TNIK: variants seen among roughly 807,000 people sequenced by gnomAD.
TNIK encodes the protein TRAF2 and NCK-interacting protein kinase.
TNIK carries 49 observed loss-of-function variants against 191.3 expected under a neutral mutation model. That is an observed-to-expected ratio of 0.26 (90% CI 0.20 to 0.32). TNIK has a LOEUF of 0.32. Ranked by LOEUF, TNIK falls within the 10% of genes least tolerant of loss-of-function variation. The pLI, the probability that TNIK is intolerant of heterozygous loss-of-function variation, is 1.00. For synonymous variants in TNIK, 594 were observed against 600.9 expected (o/e 0.99, Z 0.17); for missense variants, 1,155 against 1,702.3 (o/e 0.68, Z 5.66).
At chr3:171,181,514 C>G (rs550711481) in intron 7 of TNIK, among the ~76,000 whole-genome samples, 1 of 152,196 alleles carries the variant, frequency 6.6e-6, no homozygotes, top group African/African-American at 2.4e-5. Flanking sequence ...CCTGACTCCC[C>G]GACAGCTAAG....
chr3:171,452,897 A>G (rs1221660920), intron 1 of TNIK, among the ~76,000 whole-genome samples: 1 of 152,200 alleles, frequency 6.6e-6, no homozygotes, highest in Non-Finnish European at 1.5e-5. Context: ...GACCAGGCAT[A>G]GTATTTCTCG....
Position 171,079,692 on chromosome 3 carries a change from C to T in TNIK, c.3314-40G>A, listed in dbSNP as rs751372370. On this transcript the variant is annotated intron_variant, in intron 27 of 32. Transcript: ENST00000436636. The stretch of plus-strand genomic sequence containing the variant: ...GAGGTTTAATTTCAAATTGCTGTGA[C>T]AGCTCTCACTTTTTCCTTCCCCACC... The T allele has an allele frequency of 3.8e-6, 6 of 1,565,894 alleles. No homozygotes were observed. The South Asian group carries it at 6.0e-5, about 16-fold the overall frequency.
At chr3:171,264,431 C>T (rs1306847621) in intron 2 of TNIK, among the ~76,000 whole-genome samples, 3 of 151,950 alleles carry the variant, frequency 2.0e-5, no homozygotes, top group Non-Finnish European at 2.9e-5. Flanking sequence ...CTCGGCTCAC[C>T]TCAACCTTCG....
intron 2 of TNIK, among the ~76,000 whole-genome samples, chr3:171,234,725 T>C (rs1577201260): frequency 6.6e-6 from 1 of 152,212 alleles, no homozygotes; most frequent in South Asian, 2.1e-4. Flanking sequence ...ATAGTCACAA[T>C]TTTTAGCAGA....
At chr3:171,089,538 A>G (rs1721798755) in intron 23 of TNIK, among the ~76,000 whole-genome samples, 1 of 152,180 alleles carries the variant, frequency 6.6e-6, no homozygotes, top group African/African-American at 2.4e-5. Context: ...TCAAAGAGAG[A>G]CTCAGAGAGG....
chr3:171,324,254 A>G (rs764944809), intron 2 of TNIK, among the ~76,000 whole-genome samples: 1 of 152,132 alleles, frequency 6.6e-6, no homozygotes, highest in Non-Finnish European at 1.5e-5. Context: ...TGTGCTTTTA[A>G]GGCTTGAATT....
In TNIK at chr3:171,366,777, C is replaced by T. The variant is rs991943227; in HGVS notation, c.123+2843G>A. On this transcript the variant is annotated intron_variant, in intron 2 of 32. Coordinates refer to ENST00000436636, the MANE Select transcript of TNIK (RefSeq NM_015028.4). This position sits in a 1 kb window ranked among gnomAD's most constrained non-coding sequence, Gnocchi z 4.1. ...AAATTTCGTCTTGAATTGTAGTTCC[C>T]GTAATCCCCATGTGTCATGGGAGAG... 2.0e-5 allele frequency among the ~76,000 whole-genome samples: 3 copies of T among 152,094 alleles called. No homozygotes were observed. Among genetic ancestry groups the T allele is most frequent in the South Asian group, 2.1e-4 (1 of 4,812 alleles).
At chr3:171,377,861 A>C (rs1717468400) in intron 1 of TNIK, among the ~76,000 whole-genome samples, 2 of 152,232 alleles carry the variant, frequency 1.3e-5, no homozygotes, top group Non-Finnish European at 2.9e-5. Flanking sequence ...AAGTTTCCCA[A>C]GGTGATGACA....
intron 9 of TNIK, among the ~76,000 whole-genome samples, chr3:171,173,664 T>C (rs919188590): frequency 1.3e-5 from 2 of 152,156 alleles, no homozygotes; most frequent in African/African-American, 4.8e-5. Flanking sequence ...ATGACCATAG[T>C]GTGACAGCCA....
intron 14 of TNIK, among the ~76,000 whole-genome samples, chr3:171,138,610 A>G (rs769143367): frequency 1.2e-4 from 19 of 152,264 alleles, no homozygotes; most frequent in Admixed American, 1.3e-4. Context: ...TTGCTTTAAA[A>G]TGGCAATCCC....
intron 2 of TNIK, among the ~76,000 whole-genome samples, chr3:171,246,768 G>A (rs1427660063): frequency 1.3e-5 from 2 of 152,174 alleles, no homozygotes; most frequent in African/African-American, 2.4e-5. Flanking sequence ...GAAGGCAGGC[G>A]GTGACTTCAG....
In TNIK at chr3:171,178,319, G is replaced by T. The variant is rs182999340; in HGVS notation, c.640-939C>A. ...GAGGACAGGGAGACTTTTTGATGAT[G>T]GCATTCACTGATGTCTCTCTTGTGC... On this transcript the variant is annotated intron_variant, in intron 7 of 32. Coordinates refer to ENST00000436636, the MANE Select transcript of TNIK (RefSeq NM_015028.4). Among the ~76,000 whole-genome samples, 596 of 152,270 alleles carry T rather than the reference G, an allele frequency of 3.9e-3. 4 individuals are homozygous for T. Among genetic ancestry groups the T allele is most frequent in the African/African-American group, 0.014 (573 of 41,564 alleles).
At position 171,452,726 on chromosome 3, in the gene TNIK, C is replaced by T. The variant is rs564888116; in HGVS notation, c.57+7281G>A. 5.6e-3 allele frequency among the ~76,000 whole-genome samples: 620 copies of T among 111,590 alleles called. 5 individuals are homozygous for T. The highest frequency in any genetic ancestry group is 0.026 in the African/African-American group (589 of 22,362). 73.2% of individuals were successfully genotyped at this position (111,590 alleles called of 152,430 possible). A position where few individuals can be genotyped will look rare whatever the true frequency, so the allele number is the denominator to read the frequency against. On this transcript the variant is annotated intron_variant, in intron 1 of 32. Transcript: ENST00000436636. ...ATTGTTGAAATAATTGAAACACACTCCAAACACACACACACACACACACAC... is the reference window on the plus strand; with the variant it reads ...ATTGTTGAAATAATTGAAACACACTTCAAACACACACACACACACACACAC...
At chr3:171,145,261 G>T (rs1480875630) in intron 12 of TNIK, among the ~76,000 whole-genome samples, 7 of 151,922 alleles carry the variant, frequency 4.6e-5, no homozygotes, top group South Asian at 2.1e-4. Flanking sequence ...TAATTTTTTG[G>T]ATTTTTAGTA....
chr3:171,219,150 A>ATATATAATTATAAATATATATTATAAC (rs1270308467), intron 3 of TNIK, among the ~76,000 whole-genome samples: 1 of 125,646 alleles, frequency 8.0e-6, no homozygotes, highest in Non-Finnish European at 1.5e-5. Context: ...TATATTATAA[A>ATATATAATTATAAATATATATTATAAC]ATATATAATA....
At chr3:171,396,612 A>T (rs1461652005) in intron 1 of TNIK, among the ~76,000 whole-genome samples, 1 of 152,218 alleles carries the variant, frequency 6.6e-6, no homozygotes, top group Non-Finnish European at 1.5e-5. Flanking sequence ...CTATTCAGCC[A>T]ACAGCAGGCC....
intron 28 of TNIK, among the ~76,000 whole-genome samples, chr3:171,077,157 A>G (rs946039801): frequency 2.8e-5 from 4 of 143,950 alleles, no homozygotes; most frequent in African/African-American, 1.0e-4. Flanking sequence ...GCCCTTCAAC[A>G]TGGTCAAACG....
At chr3:171,197,769 A>G (rs1157121476) in intron 4 of TNIK, among the ~76,000 whole-genome samples, 10 of 152,212 alleles carry the variant, frequency 6.6e-5, no homozygotes. Context: ...AATCACAAGT[A>G]TTGGTGAGGA....
At chr3:171,395,764 G>C (rs1165671875) in intron 1 of TNIK, among the ~76,000 whole-genome samples, 1 of 152,148 alleles carries the variant, frequency 6.6e-6, no homozygotes, top group African/African-American at 2.4e-5. Context: ...ATTGAACGGA[G>C]TGAACATCCG....
Sources: gnomAD v4.1 joint callset for allele counts (sites outside exome capture counted in the v4.1 genomes callset) on GRCh38, gnomAD v4.1.1 for gene constraint, Gnocchi (gnomAD v3.1) non-coding constraint, MANE v1.5 for transcripts, NCBI Gene and HGNC (gene_info 2026-07-23, HGNC 2026-07-21) for gene names.